Variants in BLVRB observed in about 807,000 individuals in gnomAD.
The protein encoded by BLVRB is biliverdin reductase B, also known as flavin reductase (NADPH).
A neutral mutation model predicts 21.1 loss-of-function variants in BLVRB; 25 were observed. That is an observed-to-expected ratio of 1.19 (90% CI 0.86 to 1.66). BLVRB has a LOEUF of 1.66. Ranked by LOEUF, BLVRB falls within the 40% of genes most tolerant of loss-of-function variation. The probability of loss-of-function intolerance (pLI) is 0.00; values close to 1 mark genes in which losing one functional copy is unlikely to be tolerated. For missense variants in BLVRB, 274 were observed against 282.7 expected (o/e 0.97, Z 0.22); for synonymous variants, 128 against 122.2 (o/e 1.05, Z -0.31).
intron 4 of BLVRB, 69 bp from the exon 5 acceptor site, chr19:40,448,115 A>C: frequency 6.5e-7 from 1 of 1,537,222 alleles, no homozygotes; most frequent in Non-Finnish European, 8.8e-7. Flanking sequence ...TTCGACCCCC[A>C]GAAAGACCTT....
intron 1 of BLVRB, among the ~76,000 whole-genome samples, chr19:40,462,892 C>CAA (rs56923063): frequency 0.041 from 2,039 of 49,804 alleles, 334 homozygotes; most frequent in African/African-American, 0.13. Context: ...ACTCTTGTCT[C>CAA]AAAAAAAAAA....
At chr19:40,463,471 G>A (rs2079796902) in intron 1 of BLVRB, among the ~76,000 whole-genome samples, 1 of 152,154 alleles carries the variant, frequency 6.6e-6, no homozygotes, top group East Asian at 1.9e-4. Flanking sequence ...GTTCATGCCT[G>A]TTAAGACTCT....
chr19:40,460,108 A>G (rs1488268082), intron 1 of BLVRB, among the ~76,000 whole-genome samples: 1 of 151,888 alleles, frequency 6.6e-6, no homozygotes, highest in Admixed American at 6.6e-5. Context: ...TTCCTTCCCA[A>G]AATAATTTTG....
rs147457356 is a variant in BLVRB, at chr19:40,458,521, C to G, written c.104G>C (p.Arg35Pro). The stretch of plus-strand genomic sequence containing the variant: ...CTCTGATGGCAGCCTGGAGGAGTCC[C>G]GCACCAGCACTGTCACTTCGTAACC... ...QAGYEVTVLVRDSSRLPSEGP... is the reference protein window; with the variant it reads ...QAGYEVTVLVPDSSRLPSEGP... Residue 35 changes from arginine (R) to proline (P), a missense_variant, in exon 2 of 5, where the codon CGG (arginine) becomes CCG (proline). By Grantham distance (103) the Arg-to-Pro change is moderately radical (BLOSUM62 -2). Transcript: ENST00000263368. 2 of 1,610,466 alleles carry G rather than the reference C, an allele frequency of 1.2e-6. No individual in the cohort carries two copies. Among genetic ancestry groups the G allele is most frequent in the South Asian group, 1.1e-5 (1 of 90,416 alleles).
chr19:40,452,963 T>C (rs1199673084), intron 3 of BLVRB, among the ~76,000 whole-genome samples: 1 of 151,886 alleles, frequency 6.6e-6, no homozygotes, highest in East Asian at 1.9e-4. Flanking sequence ...CTCAGGAAGC[T>C]GAGGCAGGAG....
intron 1 of BLVRB, among the ~76,000 whole-genome samples, chr19:40,462,236 C>T (rs938606131): frequency 6.6e-6 from 1 of 151,712 alleles, no homozygotes; most frequent in Non-Finnish European, 1.5e-5. Flanking sequence ...TGCCCTCACA[C>T]ATGGGGGAGC....
At chr19:40,448,203 A>G (rs2079722904) in intron 4 of BLVRB, among the ~76,000 whole-genome samples, 157 bp from the exon 5 acceptor site, 1 of 152,084 alleles carries the variant, frequency 6.6e-6, no homozygotes, top group African/African-American at 2.4e-5. Context: ...GTGCTCATCT[A>G]TATCCTTTGC....
At chr19:40,449,316 G>A (rs2079728722) in intron 4 of BLVRB, among the ~76,000 whole-genome samples, 2 of 150,964 alleles carry the variant, frequency 1.3e-5, no homozygotes, top group African/African-American at 4.9e-5. Flanking sequence ...TGCAATCTTG[G>A]CTCACTGCAA....
At chr19:40,449,010 G>A (rs2079727215) in intron 4 of BLVRB, among the ~76,000 whole-genome samples, 2 of 151,904 alleles carry the variant, frequency 1.3e-5, no homozygotes, top group Admixed American at 6.6e-5. Context: ...CCCAGAAGGC[G>A]GAGGTTGCAG....
intron 4 of BLVRB, among the ~76,000 whole-genome samples, chr19:40,448,618 T>A (rs560411374): frequency 0.023 from 1,096 of 47,792 alleles, 31 homozygotes; most frequent in African/African-American, 0.093. Flanking sequence ...AATATATATA[T>A]ATATATATAT....
intron 1 of BLVRB, among the ~76,000 whole-genome samples, chr19:40,460,062 G>T (rs555200732): frequency 1.3e-5 from 2 of 152,122 alleles, no homozygotes; most frequent in South Asian, 4.2e-4. Context: ...CCCTCCTTTA[G>T]TGGTCATTAA....
chr19:40,451,535 T>C (rs1282168002), intron 3 of BLVRB, 43 bp from the exon 4 acceptor site: 2 of 66,834 alleles, frequency 3.0e-5, no homozygotes, highest in Middle Eastern at 4.9e-3. Flanking sequence ...CTCTCTTGTC[T>C]TTTTTTTTTT....
At chr19:40,452,904 CA>C (rs1568737338) in intron 3 of BLVRB, among the ~76,000 whole-genome samples, 1 of 122,254 alleles carries the variant, frequency 8.2e-6, no homozygotes, top group African/African-American at 4.1e-5. Context: ...ACAAAAAAAA[CA>C]CAAAAATTAG....
chr19:40,455,933 G>A (rs1405358550), intron 3 of BLVRB, among the ~76,000 whole-genome samples: 3 of 151,882 alleles, frequency 2.0e-5, no homozygotes, highest in Admixed American at 1.3e-4. Context: ...GCAACATGGC[G>A]AAACTCTATC....
At chr19:40,450,785 C>T (rs182642302) in intron 4 of BLVRB, among the ~76,000 whole-genome samples, 36 of 151,938 alleles carry the variant, frequency 2.4e-4, no homozygotes, top group African/African-American at 6.8e-4. Context: ...GAAATCCTCC[C>T]GTCTTGGCTT....
In BLVRB at chr19:40,448,039, C is replaced by G; in HGVS notation, c.471G>C (p.Gln157His). 1 of 1,612,882 alleles carries G rather than the reference C, an allele frequency of 6.2e-7. No homozygotes were observed. The highest frequency in any genetic ancestry group is 8.5e-7 in the Non-Finnish European group (1 of 1,179,056). ...TCACTGTGTACGCCCCAGTTAGTGG[C>G]TGGTCTCCTATGAAGTAAAGACAAG... Reference protein sequence around the residue: ...VAVMPPHIGDQPLTGAYTVTL... With the variant: ...VAVMPPHIGDHPLTGAYTVTL... Residue 157 changes from glutamine (Q) to histidine (H), a missense_variant, in exon 5 of 5, where the codon CAG becomes CAC. Gln to His is a conservative substitution (Grantham distance 24). Coordinates refer to ENST00000263368, the MANE Select transcript of BLVRB (RefSeq NM_000713.3).
chr19:40,447,944 A>AG lies in BLVRB; in HGVS notation c.565dup (p.Leu189ProfsTer5). 1 of 1,614,026 alleles carries AG rather than the reference A, an allele frequency of 6.2e-7. No individual in the cohort carries two copies. The highest frequency in any genetic ancestry group is 8.5e-7 in the Non-Finnish European group (1 of 1,179,994). ...GTGTCCGTCGTACTCATCGGTGGTG[A>AG]GGCAGCGCAGCATGAAATGGCCCAG... On this transcript the variant is annotated frameshift_variant, in exon 5 of 5. Coordinates refer to ENST00000263368, the MANE Select transcript of BLVRB (RefSeq NM_000713.3). LOFTEE classifies it high-confidence loss of function.
intron 3 of BLVRB, among the ~76,000 whole-genome samples, 199 bp from the exon 4 acceptor site, chr19:40,451,691 C>T (rs1350520495): frequency 6.6e-6 from 1 of 152,142 alleles, no homozygotes; most frequent in Non-Finnish European, 1.5e-5. Context: ...CACCACCAGG[C>T]CTGACTAATT....
At chr19:40,459,802 C>T (rs2079778778) in intron 1 of BLVRB, among the ~76,000 whole-genome samples, 1 of 152,194 alleles carries the variant, frequency 6.6e-6, no homozygotes, top group African/African-American at 2.4e-5. Context: ...AACTCCTAAC[C>T]TCAGGTGATC....
Sources: allele counts gnomAD v4.1 joint callset (sites outside exome capture counted in the v4.1 genomes callset), GRCh38; gene constraint gnomAD v4.1.1; transcripts MANE v1.5; gene names NCBI Gene and HGNC (gene_info 2026-07-23, HGNC 2026-07-21).